Variants in LRRC51 observed in about 807,000 individuals in gnomAD.
The protein encoded by LRRC51 is leucine-rich repeat-containing protein 51.
Under a neutral mutation model 17.8 loss-of-function variants are expected in LRRC51, and 8 were observed. The observed-to-expected ratio is 0.45, with a 90% confidence interval of 0.26 to 0.81. The LOEUF is 0.81. Ranked by LOEUF, LRRC51 falls within the 30% of genes least tolerant of loss-of-function variation. The pLI, the probability that LRRC51 is intolerant of heterozygous loss-of-function variation, is 0.17. For missense variants in LRRC51, 233 were observed against 239.3 expected (o/e 0.97, Z 0.17); for synonymous variants, 92 against 96.0 (o/e 0.96, Z 0.24).
At chr11:72,090,422 A>G (rs182179909) in intron 3 of LRRC51, among the ~76,000 whole-genome samples, 4 of 152,332 alleles carry the variant, frequency 2.6e-5, no homozygotes, top group Admixed American at 1.3e-4. Flanking sequence ...TAAATGGTAC[A>G]GATGGCCCAT....
At chr11:72,093,849 A>ATG in intron 4 of LRRC51, 148 bp downstream of exon 4, 1 of 795,774 alleles carries the variant, frequency 1.3e-6, no homozygotes, top group Non-Finnish European at 2.1e-6. Flanking sequence ...AGACAGATAG[A>ATG]TGTAGGTTCA....
At chr11:72,094,753 C>A (rs1200794426) in intron 4 of LRRC51, 195 bp from the exon 5 acceptor site, 2 of 1,074,332 alleles carry the variant, frequency 1.9e-6, no homozygotes, top group Non-Finnish European at 1.4e-6. Context: ...ATCACAGCTC[C>A]TTTTCAGTGT....
chr11:72,089,895 G>A (rs1038182173), intron 3 of LRRC51, among the ~76,000 whole-genome samples: 3 of 152,210 alleles, frequency 2.0e-5, no homozygotes, highest in African/African-American at 7.2e-5. Context: ...TGAGTCATCC[G>A]TTCTTCCTAG....
intron 3 of LRRC51, among the ~76,000 whole-genome samples, chr11:72,091,772 G>A (rs1438019914): frequency 6.6e-6 from 1 of 152,076 alleles, no homozygotes; most frequent in African/African-American, 2.4e-5. Flanking sequence ...TTTTGGTAGA[G>A]ACGGGGTTTC....
At chr11:72,083,432 C>G (rs1454216752) in intron 1 of LRRC51, among the ~76,000 whole-genome samples, 4 of 152,142 alleles carry the variant, frequency 2.6e-5, no homozygotes, top group Non-Finnish European at 4.4e-5. Context: ...GGAATGTCTT[C>G]CTGTAGACTG....
intron 1 of LRRC51, among the ~76,000 whole-genome samples, chr11:72,084,515 T>C (rs1459808957): frequency 6.6e-6 from 1 of 152,134 alleles, no homozygotes; most frequent in Non-Finnish European, 1.5e-5. Context: ...AAAATAGGTT[T>C]ACAAAGGAAT....
At chr11:72,094,553 TGA>T in intron 4 of LRRC51, 1 of 609,106 alleles carries the variant, frequency 1.6e-6, no homozygotes. Context: ...CCTGGTGTGG[TGA>T]TCTCAATTTA....
rs1194453772 is a variant in LRRC51, at chr11:72,089,398, GT to G, written c.82+236del. Reference sequence around the variant, plus strand: ...GGAGATCCTAAGAACATGTGCCCCTGTTTGTTTTTTTTAAGCAGCAAATCTG... The same window carrying G: ...GGAGATCCTAAGAACATGTGCCCCTGTTGTTTTTTTTAAGCAGCAAATCTG... On this transcript the variant is annotated intron_variant, in intron 3 of 5. Coordinates refer to ENST00000289488, the MANE Select transcript of LRRC51 (RefSeq NM_145309.6). 3.5e-6 allele frequency: 5 copies of G among 1,443,000 alleles called. No homozygotes were observed. In the Admixed American group the frequency reaches 1.1e-4, roughly 31 times the overall value. 89.4% of individuals were successfully genotyped at this position (1,443,000 alleles called of 1,614,324 possible).
At position 72,093,604 on chromosome 11, in the gene LRRC51, T is replaced by C. The variant is rs1278314206; in HGVS notation, c.191T>C (p.Leu64Pro). 6.2e-7 allele frequency: 1 copy of C among 1,614,096 alleles called. No individual in the cohort carries two copies. Among genetic ancestry groups the C allele is most frequent in the Admixed American group, 1.7e-5 (1 of 60,004 alleles). ...CTGAATAACAATGTTCTCAATGATC[T>C]GAGAGACTTCAACCAGGTGGCTTCA... ...LWLNNNVLND[L>P]RDFNQVASQL... The change falls in exon 4 of 6, where the codon CTG becomes CCG. Residue 64 changes from leucine to proline, a missense_variant. By Grantham distance (98) the Leu-to-Pro change is moderately conservative (BLOSUM62 -3). Coordinates refer to ENST00000289488, the MANE Select transcript of LRRC51 (RefSeq NM_145309.6).
intron 2 of LRRC51, chr11:72,088,634 T>G: frequency 1.8e-6 from 1 of 563,568 alleles, no homozygotes; most frequent in Non-Finnish European, 3.2e-6. Context: ...AGAGGGTGGG[T>G]ATCAAGACAG....
intron 3 of LRRC51, among the ~76,000 whole-genome samples, chr11:72,090,091 T>C (rs939004386): frequency 2.0e-5 from 3 of 152,306 alleles, no homozygotes; most frequent in East Asian, 3.9e-4. Context: ...CAGTCTTAGA[T>C]TGGGTTTAGG....
intron 3 of LRRC51, 108 bp from the exon 4 acceptor site, chr11:72,093,388 G>C: frequency 1.8e-6 from 2 of 1,087,458 alleles, no homozygotes; most frequent in Non-Finnish European, 2.8e-6. Context: ...GGCCCTTCCA[G>C]ACCCTCCAGC....
At position 72,089,390 on chromosome 11, in the gene LRRC51, G is replaced by A. The variant is rs1218966282; in HGVS notation, c.82+225G>A. ...CAGCCCCAGGAGATCCTAAGAACAT[G>A]TGCCCCTGTTTGTTTTTTTTAAGCA... On this transcript the variant is annotated intron_variant, in intron 3 of 5. Transcript: ENST00000289488. 4 of 1,462,398 alleles carry A rather than the reference G, an allele frequency of 2.7e-6. No homozygotes were observed. The Admixed American group carries it at 8.4e-5, about 31-fold the overall frequency. 90.6% of individuals were successfully genotyped at this position (1,462,398 alleles called of 1,614,324 possible). A position where few individuals can be genotyped will look rare whatever the true frequency, so the allele number is the denominator to read the frequency against.
At chr11:72,089,759 C>T (rs1353366876) in intron 3 of LRRC51, among the ~76,000 whole-genome samples, 1 of 152,234 alleles carries the variant, frequency 6.6e-6, no homozygotes, top group Admixed American at 6.5e-5. Context: ...TCATCACCTA[C>T]ACTTATTGCA....
rs1225739667 is a variant in LRRC51, at chr11:72,086,164, AAAAG to A, written c.-139-2128_-139-2125del. 4 of 496,710 alleles carry A rather than the reference AAAAG, an allele frequency of 8.1e-6. No homozygotes were observed. In the East Asian group the frequency reaches 1.3e-4, roughly 16 times the overall value. 30.8% of individuals were successfully genotyped at this position (496,710 alleles called of 1,614,324 possible). A position where few individuals can be genotyped will look rare whatever the true frequency, so the allele number is the denominator to read the frequency against. On this transcript the variant is annotated intron_variant, in intron 1 of 5. Coordinates refer to ENST00000289488, the MANE Select transcript of LRRC51 (RefSeq NM_145309.6). The stretch of plus-strand genomic sequence containing the variant: ...GGACACATTAACCAATTTTATCTGG[AAAAG>A]AAAGGCTTTATAGAAGAGGCTACAC...
Position 72,096,636 on chromosome 11 carries a change from T to C in LRRC51, c.*1116T>C. The stretch of plus-strand genomic sequence containing the variant: ...GGGTTTACCACACAGCCTTGGGAAA[T>C]TTATCTAACTCTCTGGGCCCCTTTG... On this transcript the variant is annotated 3_prime_UTR_variant, in exon 6 of 6. Coordinates refer to ENST00000289488, the MANE Select transcript of LRRC51 (RefSeq NM_145309.6). 1 of 1,521,058 alleles carries C rather than the reference T, an allele frequency of 6.6e-7. No homozygotes were observed. Among genetic ancestry groups the C allele is most frequent in the Non-Finnish European group, 8.8e-7 (1 of 1,133,778 alleles). The allele number at this position is 1,521,058 out of a possible 1,614,324, so 94.2% of individuals were successfully genotyped here. A position where few individuals can be genotyped will look rare whatever the true frequency, so the allele number is the denominator to read the frequency against.
chr11:72,095,048 G>A lies in LRRC51; in HGVS notation c.389G>A (p.Arg130His), dbSNP rs367956242. ...VNKLAVLPRL[R>H]SLTLHGNPME... ...AAGCTGGCTGTCCTTCCTCGGCTCCGTAGCCTGACACTCCATGGGAACCCC... is the reference window on the plus strand; with the variant it reads ...AAGCTGGCTGTCCTTCCTCGGCTCCATAGCCTGACACTCCATGGGAACCCC... The change falls in exon 5 of 6, where the codon CGT becomes CAT. Residue 130 changes from arginine (R) to histidine (H), a missense_variant. Physicochemically the swap from Arg to His is conservative, Grantham distance 29. Transcript: ENST00000289488. 122 of 1,614,010 alleles carry A rather than the reference G, an allele frequency of 7.6e-5. 1 individual carries two copies. The South Asian group carries it at 8.1e-4, about 11-fold the overall frequency.
chr11:72,084,265 T>C (rs563018136), intron 1 of LRRC51, among the ~76,000 whole-genome samples: 1 of 152,320 alleles, frequency 6.6e-6, no homozygotes, highest in East Asian at 1.9e-4. Flanking sequence ...ATCAGATTTA[T>C]GTGATTATTC....
intron 3 of LRRC51, among the ~76,000 whole-genome samples, chr11:72,090,445 C>T (rs77510445): frequency 0.041 from 6,239 of 152,152 alleles, 123 homozygotes; most frequent in East Asian, 0.077. Flanking sequence ...TTCATTCAAC[C>T]GTTCAATATT....
Sources: gnomAD v4.1 joint callset for allele counts (sites outside exome capture counted in the v4.1 genomes callset) on GRCh38, gnomAD v4.1.1 for gene constraint, MANE v1.5 for transcripts, NCBI Gene and HGNC (gene_info 2026-07-23, HGNC 2026-07-21) for gene names.